Variants in TTC39A observed in about 807,000 individuals in gnomAD.
TTC39A encodes tetratricopeptide repeat domain 39A, also known as tetratricopeptide repeat protein 39A.
Under a neutral mutation model 82.3 loss-of-function variants are expected in TTC39A, and 46 were observed. The ratio of observed to expected loss-of-function variants is 0.56; its 90% CI spans 0.44 to 0.71. The LOEUF (loss-of-function observed/expected upper bound fraction) is 0.71. Ranked by LOEUF, TTC39A falls within the 30% of genes least tolerant of loss-of-function variation. The pLI is 0.00. For missense variants in TTC39A, 543 were observed against 712.9 expected (o/e 0.76, Z 2.71); for synonymous variants, 254 against 275.2 (o/e 0.92, Z 0.76).
intron 1 of TTC39A, among the ~76,000 whole-genome samples, chr1:51,338,675 T>G (rs974642659): frequency 6.8e-6 from 1 of 147,760 alleles, no homozygotes; most frequent in African/African-American, 2.5e-5. Context: ...CGATCTTGGC[T>G]CACTGCAACC....
rs997205602 is a variant in TTC39A at position 51,294,286 on chromosome 1, G to A, written c.1266+105C>T. 1.9e-6 allele frequency: 3 copies of A among 1,555,104 alleles called. No individual in the cohort carries two copies. In the Admixed American group the frequency reaches 5.4e-5, roughly 28 times the overall value. On this transcript the variant is annotated intron_variant, in intron 14 of 17. Transcript: ENST00000680483. This position sits in a 1 kb window ranked among gnomAD's most constrained non-coding sequence, Gnocchi z 4.3. ...GTGAAACCCTCCCCAGGCCCCTGAG[G>A]CATGAAGGTCTTTCTCCTCATCCAC...
chr1:51,299,622 C>A (rs1444556358), intron 12 of TTC39A: 2 of 152,280 alleles, frequency 1.3e-5, no homozygotes, highest in Admixed American at 6.5e-5. Flanking sequence ...GAGAGAGGGA[C>A]TGGCCACCCC....
chr1:51,333,308 C>A (rs1302420871), upstream of TTC39A, among the ~76,000 whole-genome samples: 1 of 151,540 alleles, frequency 6.6e-6, no homozygotes, highest in South Asian at 2.1e-4. Flanking sequence ...TAGGCTTGGA[C>A]CCCATCCCCA....
chr1:51,305,038 C>G (rs1644817826), intron 8 of TTC39A, 43 bp downstream of exon 8: 7 of 1,608,068 alleles, frequency 4.4e-6, no homozygotes, highest in Non-Finnish European at 6.0e-6. Context: ...AGCCCCAGTT[C>G]TGGGGCTGAG....
chr1:51,301,578 C>G lies in TTC39A; in HGVS notation c.1047G>C (p.Trp349Cys). 1 of 1,606,408 alleles carries G rather than the reference C, an allele frequency of 6.2e-7. No homozygotes were observed. Among genetic ancestry groups the G allele is most frequent in the Non-Finnish European group, 8.5e-7 (1 of 1,175,634 alleles). ...YADLLSKENC[W>C]SKATYIYMKA... Reference sequence around the variant, plus strand: ...ACACGTGGCATCAGCCCACCTTGGACCAGCAGTTCTCCTTGCTGAGCAGGT... The same window carrying G: ...ACACGTGGCATCAGCCCACCTTGGAGCAGCAGTTCTCCTTGCTGAGCAGGT... Residue 349 changes from tryptophan to cysteine, a missense_variant, in exon 12 of 18, where the codon TGG becomes TGC. Transcript: ENST00000680483.
At chr1:51,334,520 G>A (rs1025564825), upstream of TTC39A, among the ~76,000 whole-genome samples, 11 of 151,786 alleles carry the variant, frequency 7.2e-5, no homozygotes, top group African/African-American at 1.5e-4. Context: ...AAAAAAGCCC[G>A]GCATGGGGTA....
rs1328197523 is a variant in TTC39A, at chr1:51,321,811, C to A, written c.56G>T (p.Ser19Ile). 4.3e-6 allele frequency: 7 copies of A among 1,613,660 alleles called. No individual in the cohort carries two copies. The Admixed American group carries it at 1.2e-4, about 27-fold the overall frequency. ...GCACTGGTCCAGGGCCTCATGGAGG[C>A]TGCTCTCAGGAGTCCTGGGGGAAGA... ...GALPAGTPESSLHEALDQCMT... is the reference protein window; with the variant it reads ...GALPAGTPESILHEALDQCMT... Residue 19 changes from serine to isoleucine, a missense_variant, in exon 2 of 18, where the codon AGC becomes ATC. By Grantham distance (142) the Ser-to-Ile change is moderately radical. Coordinates refer to ENST00000680483, the MANE Select transcript of TTC39A (RefSeq NM_001297663.2). The surrounding 1 kb of genome is among the most constrained non-coding windows in gnomAD (Gnocchi z 4.6).
chr1:51,343,315 G>A (rs77934030), intron 1 of TTC39A, among the ~76,000 whole-genome samples: 3 of 152,338 alleles, frequency 2.0e-5, no homozygotes, highest in Non-Finnish European at 2.9e-5. Context: ...GTAGGACAGC[G>A]TGGTCAGCTT....
At position 51,312,868 on chromosome 1, in the gene TTC39A, A is replaced by G; in HGVS notation, c.222T>C (p.Pro74=). Residue 74 remains proline (P), a synonymous_variant, in exon 3 of 18, where the codon CCT becomes CCC. Coordinates refer to ENST00000680483, the MANE Select transcript of TTC39A (RefSeq NM_001297663.2). ...LEMQAMMTFD[P]QDILLAGNMM... is the part of the protein sequence containing the mutation. The stretch of plus-strand genomic sequence containing the variant: ...TGTTGCCGGCAAGCAGGATGTCCTG[A>G]GGGTCAAAGGTCATCATGGCCTGCA... 6.2e-7 allele frequency: 1 copy of G among 1,613,884 alleles called. No individual in the cohort carries two copies. The highest frequency in any genetic ancestry group is 8.5e-7 in the Non-Finnish European group (1 of 1,179,834).
chr1:51,292,964 A>G (rs1644277751), intron 14 of TTC39A, among the ~76,000 whole-genome samples: 1 of 152,174 alleles, frequency 6.6e-6, no homozygotes, highest in Non-Finnish European at 1.5e-5. Context: ...TATTTTGCAG[A>G]TTACAGTTTG....
At chr1:51,340,643 C>T (rs765728761) in intron 1 of TTC39A, among the ~76,000 whole-genome samples, 3 of 152,208 alleles carry the variant, frequency 2.0e-5, no homozygotes, top group Non-Finnish European at 2.9e-5. Context: ...GAGTAGTCTC[C>T]TGAGCTTTTT....
chr1:51,329,564 TC>T, intron 1 of TTC39A: 1 of 152,560 alleles, frequency 6.6e-6, no homozygotes. Flanking sequence ...GGCACCAGCC[TC>T]GTCACCTCCC....
At chr1:51,314,341 T>C (rs756543408) in intron 2 of TTC39A, among the ~76,000 whole-genome samples, 4 of 152,200 alleles carry the variant, frequency 2.6e-5, no homozygotes, top group Non-Finnish European at 5.9e-5. Context: ...CCTGCGAGAC[T>C]GTGGGACTGA....
intron 7 of TTC39A, chr1:51,305,528 C>A (rs1337919193): frequency 6.5e-6 from 2 of 307,580 alleles, no homozygotes; most frequent in Admixed American, 4.6e-5. Context: ...GATGCTCACC[C>A]CCTCCCGTAG....
chr1:51,311,156 G>A, intron 5 of TTC39A, 98 bp downstream of exon 5: 4 of 1,172,402 alleles, frequency 3.4e-6, no homozygotes, highest in Non-Finnish European at 4.8e-6. Flanking sequence ...GGTTGCTATG[G>A]GGGATGGGTC....
At chr1:51,316,371 T>C (rs1231759021) in intron 2 of TTC39A, among the ~76,000 whole-genome samples, 1 of 152,080 alleles carries the variant, frequency 6.6e-6, no homozygotes, top group East Asian at 1.9e-4. Flanking sequence ...GGCTCATCAC[T>C]CCCGCTGCCC....
chr1:51,294,571 C>T lies in TTC39A; in HGVS notation c.1146-60G>A. 2 of 1,604,588 alleles carry T rather than the reference C, an allele frequency of 1.2e-6. No homozygotes were observed. Among genetic ancestry groups the T allele is most frequent in the South Asian group, 2.2e-5 (2 of 89,792 alleles). On this transcript the variant is annotated intron_variant, in intron 13 of 17. Coordinates refer to ENST00000680483, the MANE Select transcript of TTC39A (RefSeq NM_001297663.2). This position sits in a 1 kb window ranked among gnomAD's most constrained non-coding sequence, Gnocchi z 4.3. ...AAAAGAGCAGGAGAGGGCAGAGGGT[C>T]CCCAGCCTACCCAGCTATGCTTGGC...
rs1164252596 is a variant in TTC39A at position 51,301,615 on chromosome 1, T to C, written c.1010A>G (p.Tyr337Cys). ...CTTGCTGAGCAGGTCGGCGTAGAAG[T>C]AGGACATCTTCCACTGGCCCTTGTA... ...FTYKGQWKMSYFYADLLSKEN... is the reference protein window; with the variant it reads ...FTYKGQWKMSCFYADLLSKEN... The change falls in exon 12 of 18, where the codon TAC (tyrosine) becomes TGC (cysteine). Residue 337 changes from tyrosine (Y) to cysteine (C), a missense_variant. Coordinates refer to ENST00000680483, the MANE Select transcript of TTC39A (RefSeq NM_001297663.2). 1 of 1,613,472 alleles carries C rather than the reference T, an allele frequency of 6.2e-7. No individual in the cohort carries two copies. Among genetic ancestry groups the C allele is most frequent in the Non-Finnish European group, 8.5e-7 (1 of 1,179,648 alleles).
In TTC39A at chr1:51,321,893, G is replaced by C; in HGVS notation, c.42-68C>G. On this transcript the variant is annotated intron_variant, in intron 1 of 17. Coordinates refer to ENST00000680483, the MANE Select transcript of TTC39A (RefSeq NM_001297663.2). The surrounding 1 kb of genome is among the most constrained non-coding windows in gnomAD (Gnocchi z 4.6). ...CCTCCAGCCTCTCCTGGCTGGAACA[G>C]AGCCTCACAGGGTCTACTCAGCCTC... The C allele has an allele frequency of 6.8e-7, 1 of 1,481,108 alleles. No individual in the cohort carries two copies. Among genetic ancestry groups the C allele is most frequent in the South Asian group, 1.2e-5 (1 of 83,048 alleles). 91.7% of individuals were successfully genotyped at this position (1,481,108 alleles called of 1,614,324 possible).
Sources: allele counts gnomAD v4.1 joint callset (sites outside exome capture counted in the v4.1 genomes callset), GRCh38; gene constraint gnomAD v4.1.1; non-coding constraint Gnocchi (gnomAD v3.1); transcripts MANE v1.5; gene names NCBI Gene and HGNC (gene_info 2026-07-23, HGNC 2026-07-21).